Variants in PTPRN2 observed in about 807,000 individuals in gnomAD.
PTPRN2 encodes the protein protein tyrosine phosphatase receptor type N2.
A neutral mutation model predicts 118.8 loss-of-function variants in PTPRN2; 74 were observed. The observed-to-expected ratio is 0.62, with a 90% CI of 0.52 to 0.76. PTPRN2 has a LOEUF of 0.76. Ranked by LOEUF, PTPRN2 falls within the 30% of genes least tolerant of loss-of-function variation. The pLI is 0.00. For synonymous variants in PTPRN2, 641 were observed against 608.0 expected, an observed-to-expected ratio of 1.05 and a Z score of -0.80; for missense variants, 1,481 against 1,394.4, an observed-to-expected ratio of 1.06 and a Z score of -0.99.
At chr7:157,709,416 G>A (rs1798488471) in intron 12 of PTPRN2, among the ~76,000 whole-genome samples, 1 of 152,222 alleles carries the variant, frequency 6.6e-6, no homozygotes, top group Non-Finnish European at 1.5e-5. Flanking sequence ...TAAGTGAGGT[G>A]TGTGGGACAG....
intron 10 of PTPRN2, 65 bp from the exon 11 acceptor site, chr7:158,081,442 C>A: frequency 6.7e-7 from 1 of 1,497,506 alleles, no homozygotes; most frequent in Admixed American, 1.7e-5. Context: ...TTTCTGAAAA[C>A]GACATGGAAA....
chr7:157,926,088 T>C (rs1356899646), intron 11 of PTPRN2, among the ~76,000 whole-genome samples: 1 of 152,286 alleles, frequency 6.6e-6, no homozygotes, highest in East Asian at 1.9e-4. Flanking sequence ...TATCCATGCA[T>C]TACCTCCCTC....
chr7:158,071,415 C>CA (rs1811582124), intron 11 of PTPRN2, among the ~76,000 whole-genome samples: 7 of 11,506 alleles, frequency 6.1e-4, no homozygotes, highest in South Asian at 4.4e-3. Context: ...GGAGTTGCTC[C>CA]TGGTGGTGGA....
intron 2 of PTPRN2, among the ~76,000 whole-genome samples, chr7:158,369,832 G>C (rs2151313823): frequency 6.6e-6 from 1 of 152,332 alleles, no homozygotes; most frequent in African/African-American, 2.4e-5. Flanking sequence ...CATCTGATTT[G>C]TGTTCTCAAA....
intron 12 of PTPRN2, among the ~76,000 whole-genome samples, chr7:157,768,930 A>T (rs1802639477): frequency 6.6e-6 from 1 of 152,210 alleles, no homozygotes; most frequent in African/African-American, 2.4e-5. Flanking sequence ...TCTGAGTCAG[A>T]CATTTCCTCA....
At chr7:158,331,939 ACT>A (rs1804546007) in intron 2 of PTPRN2, among the ~76,000 whole-genome samples, 2 of 150,866 alleles carry the variant, frequency 1.3e-5, no homozygotes, top group Admixed American at 6.6e-5. Flanking sequence ...TGTCACTCAC[ACT>A]CACACTCCCA....
rs1279375240 is a variant in PTPRN2, at chr7:158,056,592, C to A, written c.1723+24706G>T. Among the ~76,000 whole-genome samples, 5 of 152,332 alleles carry A rather than the reference C, an allele frequency of 3.3e-5. No individual in the cohort carries two copies. In the East Asian group the frequency reaches 7.7e-4, roughly 23 times the overall value. On this transcript the variant is annotated intron_variant, in intron 11 of 22. Coordinates refer to ENST00000389418, the MANE Select transcript of PTPRN2 (RefSeq NM_002847.5). ...TTTTCGTGTGCATCCCGTCACCAGC[C>A]ACAGCAGACCCGTTCTCCACAAAGC... is the stretch of plus-strand genomic sequence containing the variant.
At chr7:157,593,292 G>A (rs1165952880) in intron 17 of PTPRN2, among the ~76,000 whole-genome samples, 2 of 151,694 alleles carry the variant, frequency 1.3e-5, no homozygotes, top group Non-Finnish European at 2.9e-5. Flanking sequence ...AGGATGGTGG[G>A]TGGATGTGGC....
intron 11 of PTPRN2, among the ~76,000 whole-genome samples, chr7:158,073,211 G>A (rs1425261809): frequency 6.6e-6 from 1 of 152,220 alleles, no homozygotes; most frequent in East Asian, 1.9e-4. Context: ...CTTCTGTCGA[G>A]TTGCCATGGG....
intron 2 of PTPRN2, among the ~76,000 whole-genome samples, chr7:158,340,609 A>C (rs149958736): frequency 0.063 from 4,963 of 79,016 alleles, no homozygotes; most frequent in Middle Eastern, 0.11. Flanking sequence ...ACTCACACCC[A>C]CACACGTCAC....
chr7:158,288,792 A>G (rs534154703), intron 3 of PTPRN2, among the ~76,000 whole-genome samples: 2 of 152,232 alleles, frequency 1.3e-5, no homozygotes, highest in East Asian at 3.9e-4. Context: ...GTATGTTTTC[A>G]TGTTGCTAGT....
At chr7:157,859,922 C>T (rs1440193791) in intron 12 of PTPRN2, among the ~76,000 whole-genome samples, 1 of 137,164 alleles carries the variant, frequency 7.3e-6, no homozygotes, top group Non-Finnish European at 1.6e-5. Context: ...TCCCAGCCAC[C>T]ACCCACACTC....
At chr7:157,595,435 G>A (rs555761488) in intron 16 of PTPRN2, 120 bp from the exon 17 acceptor site, 148 of 884,586 alleles carry the variant, frequency 1.7e-4, no homozygotes, top group Non-Finnish European at 2.3e-4. Context: ...AAGCCAGGAC[G>A]TTAAGAAACC....
At chr7:157,664,790 C>A (rs1239180700) in intron 13 of PTPRN2, among the ~76,000 whole-genome samples, 1 of 152,194 alleles carries the variant, frequency 6.6e-6, no homozygotes, top group Non-Finnish European at 1.5e-5. Context: ...GAGCTATGAT[C>A]TCGAGAGCAT....
In PTPRN2 at chr7:157,662,948, G is replaced by A. The variant is rs557337493; in HGVS notation, c.2002-6397C>T. On this transcript the variant is annotated intron_variant, in intron 13 of 22. Transcript: ENST00000389418. ...AACCTCACGGCTCAGCCACGTTCAC[G>A]CAGCACGGTTCAGTCAGAAGTTCAC... Among the ~76,000 whole-genome samples the A allele has an allele frequency of 7.9e-5, 12 of 152,244 alleles. No individual in the cohort carries two copies. In the South Asian group the frequency reaches 2.3e-3, roughly 29 times the overall value.
chr7:158,235,786 C>G (rs918159950), intron 3 of PTPRN2, among the ~76,000 whole-genome samples: 1 of 152,282 alleles, frequency 6.6e-6, no homozygotes, highest in Non-Finnish European at 1.5e-5. Flanking sequence ...AGGTGAAGAT[C>G]CCAATCACCC....
chr7:158,429,635 C>T (rs1037670219), intron 2 of PTPRN2, among the ~76,000 whole-genome samples: 11 of 152,258 alleles, frequency 7.2e-5, no homozygotes, highest in Non-Finnish European at 1.6e-4. Flanking sequence ...CAGCAGAGCC[C>T]TGTCTGAGAG....
intron 12 of PTPRN2, among the ~76,000 whole-genome samples, chr7:157,750,689 C>G (rs1427640780): frequency 6.6e-6 from 1 of 152,232 alleles, no homozygotes; most frequent in African/African-American, 2.4e-5. Flanking sequence ...CTGAGGCTTT[C>G]AGTTGTCCTC....
At chr7:158,441,445 G>GTGGTGGTGGTGATAGTGATGGTGA (rs1817187114) in intron 2 of PTPRN2, among the ~76,000 whole-genome samples, 1 of 147,876 alleles carries the variant, frequency 6.8e-6, no homozygotes, top group Non-Finnish European at 1.5e-5. Context: ...GATGGCAGTG[G>GTGGTGGTGGTGATAGTGATGGTGA]TGGCAGTGGT....
Sources: gnomAD v4.1 joint callset for allele counts (sites outside exome capture counted in the v4.1 genomes callset) on GRCh38, gnomAD v4.1.1 for gene constraint, MANE v1.5 for transcripts, NCBI Gene and HGNC (gene_info 2026-07-23, HGNC 2026-07-21) for gene names.